Variants in SHANK2 observed in about 807,000 individuals in gnomAD.
SHANK2 encodes the protein SH3 and multiple ankyrin repeat domains protein 2.
SHANK2 carries 43 observed loss-of-function variants against 133.7 expected under a neutral mutation model. That is an observed-to-expected ratio of 0.32 (90% CI 0.25 to 0.41). The LOEUF (loss-of-function observed/expected upper bound fraction) is 0.41, where lower values mean the gene tolerates loss of function less well. SHANK2 is among the 10% of genes least tolerant of loss of function. The pLI is 1.00. For missense variants in SHANK2, 1,994 were observed against 2,235.8 expected (o/e 0.89, Z 2.18); for synonymous variants, 1,017 against 952.8 (o/e 1.07, Z -1.24).
At chr11:70,576,491 G>T (rs1554984318) in intron 17 of SHANK2, among the ~76,000 whole-genome samples, 1 of 152,164 alleles carries the variant, frequency 6.6e-6, no homozygotes, top group Admixed American at 6.5e-5. Flanking sequence ...CAAAATATTA[G>T]CCAGGCGTGG....
At chr11:71,233,147 CA>C (rs59302792) in intron 1 of SHANK2, among the ~76,000 whole-genome samples, 51,793 of 147,112 alleles carry the variant, frequency 0.35, 9,129 homozygotes, top group East Asian at 0.51. Flanking sequence ...CCATCTCTAC[CA>C]AAAAAAAAAA....
intron 11 of SHANK2, among the ~76,000 whole-genome samples, chr11:70,857,401 A>G (rs1198095168): frequency 6.6e-6 from 1 of 152,158 alleles, no homozygotes; most frequent in Non-Finnish European, 1.5e-5. Context: ...ACCTAGCCAC[A>G]AGCAACCTGG....
At chr11:70,613,697 G>C (rs935003126) in intron 17 of SHANK2, among the ~76,000 whole-genome samples, 1 of 151,660 alleles carries the variant, frequency 6.6e-6, no homozygotes, top group Non-Finnish European at 1.5e-5. Context: ...ATTAATGTGA[G>C]GTCATAGGGG....
At chr11:70,478,672 G>C (rs1166887130) in intron 25 of SHANK2, among the ~76,000 whole-genome samples, 1 of 152,218 alleles carries the variant, frequency 6.6e-6, no homozygotes, top group African/African-American at 2.4e-5. Flanking sequence ...TGTCTCAGCA[G>C]CTGCCAGGCC....
At chr11:70,897,638 C>T (rs935829920) in intron 10 of SHANK2, among the ~76,000 whole-genome samples, 2 of 152,192 alleles carry the variant, frequency 1.3e-5, no homozygotes, top group Non-Finnish European at 2.9e-5. Context: ...ATCTTCCCAA[C>T]ATGGGCTTAC....
chr11:71,062,291 A>G (rs1471894233), intron 9 of SHANK2, among the ~76,000 whole-genome samples: 1 of 152,128 alleles, frequency 6.6e-6, no homozygotes, highest in African/African-American at 2.4e-5. Flanking sequence ...TTATCAGGTT[A>G]TGGTGAGCAA....
intron 25 of SHANK2, among the ~76,000 whole-genome samples, chr11:70,480,070 C>T (rs1555151140): frequency 1.3e-5 from 2 of 152,198 alleles, no homozygotes; most frequent in African/African-American, 4.8e-5. Context: ...CAAGACTTTG[C>T]TGAAGCCCTC....
intron 14 of SHANK2, among the ~76,000 whole-genome samples, chr11:70,749,311 T>C (rs1946709160): frequency 6.6e-6 from 1 of 152,200 alleles, no homozygotes; most frequent in Admixed American, 6.5e-5. Context: ...GAAGCACGCA[T>C]GTGTAGGACA....
intron 3 of SHANK2, 117 bp downstream of exon 3, chr11:71,147,003 G>A (rs1432641910): frequency 2.6e-5 from 21 of 822,002 alleles, no homozygotes; most frequent in South Asian, 2.0e-4. Flanking sequence ...GAAGGAGCAC[G>A]GTGTGCCCAG....
chr11:70,781,584 T>TATATATATATATATATATC (rs1565311807), intron 14 of SHANK2, among the ~76,000 whole-genome samples: 1 of 14,502 alleles, frequency 6.9e-5, no homozygotes, highest in African/African-American at 1.7e-4. Flanking sequence ...ATATATATAT[T>TATATATATATATATATATC]TACTTATTTA....
intron 2 of SHANK2, chr11:71,174,678 C>CAAAAAAAAAAAAAAAAAAAAAAAAAAAA (rs57374627): frequency 1.0e-5 from 1 of 97,998 alleles, no homozygotes; most frequent in Non-Finnish European, 1.9e-5. Context: ...GACTCTGTCT[C>CAAAAAAAAAAAAAAAAAAAAAAAAAAAA]AAAAAAAAAA....
rs570792469 is a variant in SHANK2 at position 70,500,524 on chromosome 11, G to A, written c.2308+46C>T. 7.6e-6 allele frequency: 12 copies of A among 1,589,040 alleles called. No homozygotes were observed. Among genetic ancestry groups the A allele is most frequent in the Middle Eastern group, 1.7e-4 (1 of 6,036 alleles). ...CACAAAGGATGTTTCTGTTCCACAG[G>A]GGGGTGATGGGCAGGGGGCTGAGAC... On this transcript the variant is annotated intron_variant, in intron 21 of 25. Transcript: ENST00000601538. The surrounding 1 kb of genome is among the most constrained non-coding windows in gnomAD (Gnocchi z 4.5).
chr11:70,917,100 C>A (rs527579807), intron 10 of SHANK2, among the ~76,000 whole-genome samples: 9 of 152,228 alleles, frequency 5.9e-5, no homozygotes, highest in South Asian at 2.1e-4. Flanking sequence ...CAAGTCAGGT[C>A]TTGGCCCCGA....
chr11:71,101,297 C>A (rs1325456030), intron 6 of SHANK2, among the ~76,000 whole-genome samples: 1 of 152,190 alleles, frequency 6.6e-6, no homozygotes, highest in Non-Finnish European at 1.5e-5. Flanking sequence ...CCGCATTTTC[C>A]TTACTGAAGG....
chr11:70,748,613 G>A (rs1379674766), intron 14 of SHANK2, among the ~76,000 whole-genome samples: 1 of 152,084 alleles, frequency 6.6e-6, no homozygotes, highest in African/African-American at 2.4e-5. Flanking sequence ...ATGCCACCCC[G>A]ATATTGCCAG....
chr11:71,231,872 G>A (rs782432211), intron 1 of SHANK2, among the ~76,000 whole-genome samples: 15 of 151,928 alleles, frequency 9.9e-5, no homozygotes, highest in Non-Finnish European at 2.2e-4. Context: ...CTGGGTGACA[G>A]GGCCAGGTGT....
intron 15 of SHANK2, among the ~76,000 whole-genome samples, chr11:70,691,320 A>G (rs1284006909): frequency 1.3e-5 from 2 of 152,072 alleles, no homozygotes; most frequent in Non-Finnish European, 2.9e-5. Context: ...AGGAGGGAGA[A>G]AGGCAAGGGA....
intron 10 of SHANK2, among the ~76,000 whole-genome samples, chr11:70,904,497 G>A (rs1950071042): frequency 7.0e-6 from 1 of 142,576 alleles, no homozygotes; most frequent in Non-Finnish European, 1.5e-5. Flanking sequence ...GGACCCGGTG[G>A]GAGATCTGAT....
At position 70,487,552 on chromosome 11, in the gene SHANK2, G is replaced by A; in HGVS notation, c.2741C>T (p.Pro914Leu). 6.2e-7 allele frequency: 1 copy of A among 1,613,872 alleles called. No individual in the cohort carries two copies. Among genetic ancestry groups the A allele is most frequent in the Non-Finnish European group, 8.5e-7 (1 of 1,179,972 alleles). ...AGGCTTAATCGTCCCGTAGACTCTT[G>A]GAGTTGGGGACTTGGGGCAGTTGTA... Reference protein sequence around the residue: ...TTYNCPKSPTPRVYGTIKPAF... With the variant: ...TTYNCPKSPTLRVYGTIKPAF... Residue 914 changes from proline (P) to leucine (L), a missense_variant, in exon 25 of 26, where the codon CCA becomes CTA. Transcript: ENST00000601538. This position sits in a 1 kb window ranked among gnomAD's most constrained non-coding sequence, Gnocchi z 5.8.
Sources: allele counts gnomAD v4.1 joint callset (sites outside exome capture counted in the v4.1 genomes callset), GRCh38; gene constraint gnomAD v4.1.1; non-coding constraint Gnocchi (gnomAD v3.1); transcripts MANE v1.5; gene names NCBI Gene and HGNC (gene_info 2026-07-23, HGNC 2026-07-21).